Variants in APOBEC2 observed in about 807,000 individuals in gnomAD.
APOBEC2 encodes apolipoprotein B mRNA editing enzyme catalytic subunit 2, also known as C->U-editing enzyme APOBEC-2.
A neutral mutation model predicts 19.4 loss-of-function variants in APOBEC2; 14 were observed. That is an observed-to-expected ratio of 0.72 (90% CI 0.48 to 1.13). The LOEUF is 1.13. Ranked by LOEUF, APOBEC2 falls within the 50% of genes most tolerant of loss-of-function variation. The pLI is 0.00. For missense variants in APOBEC2, 304 were observed against 277.0 expected (o/e 1.10, Z -0.69); for synonymous variants, 127 against 112.1 (o/e 1.13, Z -0.84).
At chr6:41,057,832 G>A (rs1762814086) in intron 1 of APOBEC2, among the ~76,000 whole-genome samples, 1 of 152,130 alleles carries the variant, frequency 6.6e-6, no homozygotes, top group Non-Finnish European at 1.5e-5. Context: ...TGAGAAAAAT[G>A]TATTACATTT....
In APOBEC2 at chr6:41,061,322, C is replaced by A. The variant is rs1380202864; in HGVS notation, c.132-6C>A. On this transcript the variant is annotated splice_region_variant and splice_polypyrimidine_tract_variant and intron_variant, in intron 1 of 2. Coordinates refer to ENST00000244669, the MANE Select transcript of APOBEC2 (RefSeq NM_006789.4). ...TTTCCTGTCCTTTTGTCTCCTTGAC[C>A]TACAGAGAACGGCTGCCTGCCAACT... 5 of 1,521,986 alleles carry A rather than the reference C, an allele frequency of 3.3e-6. No homozygotes were observed. In the Admixed American group the frequency reaches 8.8e-5, roughly 27 times the overall value. 94.3% of individuals were successfully genotyped at this position (1,521,986 alleles called of 1,614,324 possible).
At chr6:41,056,800 T>G (rs925119586) in intron 1 of APOBEC2, among the ~76,000 whole-genome samples, 2 of 152,142 alleles carry the variant, frequency 1.3e-5, no homozygotes, top group Non-Finnish European at 2.9e-5. Context: ...GTTCTTAGGC[T>G]CTCTGTCAGA....
At chr6:41,059,291 A>G (rs1237689715) in intron 1 of APOBEC2, among the ~76,000 whole-genome samples, 1 of 152,174 alleles carries the variant, frequency 6.6e-6, no homozygotes, top group African/African-American at 2.4e-5. Context: ...AATCCATCAT[A>G]TAGGTGGCCC....
chr6:41,059,047 AGAG>A (rs1261132703), intron 1 of APOBEC2, among the ~76,000 whole-genome samples: 4 of 152,110 alleles, frequency 2.6e-5, no homozygotes, highest in Admixed American at 6.5e-5. Flanking sequence ...TGCCTAGGGA[AGAG>A]GAGGAGGGGA....
chr6:41,060,549 C>T (rs963448960), intron 1 of APOBEC2, among the ~76,000 whole-genome samples: 4 of 152,184 alleles, frequency 2.6e-5, no homozygotes, highest in Non-Finnish European at 2.9e-5. Context: ...ATCTGGAGGG[C>T]AGAGACCAAG....
chr6:41,062,983 T>A (rs1762895245), intron 2 of APOBEC2, among the ~76,000 whole-genome samples: 1 of 152,144 alleles, frequency 6.6e-6, no homozygotes. Flanking sequence ...AACTCACATA[T>A]TACTAAAACA....
chr6:41,054,554 G>A (rs901294511), intron 1 of APOBEC2, among the ~76,000 whole-genome samples: 3 of 152,212 alleles, frequency 2.0e-5, no homozygotes, highest in African/African-American at 7.2e-5. Flanking sequence ...ATCTATAGTA[G>A]TAAGGTCCCT....
intron 1 of APOBEC2, among the ~76,000 whole-genome samples, chr6:41,059,072 C>T (rs1762840562): frequency 6.6e-6 from 1 of 152,130 alleles, no homozygotes; most frequent in African/African-American, 2.4e-5. Flanking sequence ...AATGTCAGAG[C>T]TTAAGAAGGG....
At chr6:41,064,069 A>G (rs1191165610) in intron 2 of APOBEC2, 32 bp from the exon 3 acceptor site, 2 of 152,586 alleles carry the variant, frequency 1.3e-5, no homozygotes, top group Admixed American at 1.3e-4. Context: ...CAGAGCTCTC[A>G]GTAACACATT....
chr6:41,054,353 G>A (rs965830176), intron 1 of APOBEC2, among the ~76,000 whole-genome samples: 1 of 152,148 alleles, frequency 6.6e-6, no homozygotes, highest in African/African-American at 2.4e-5. Flanking sequence ...TGAACCAAAC[G>A]TTCCCTTCAT....
intron 1 of APOBEC2, among the ~76,000 whole-genome samples, chr6:41,058,154 CA>C (rs1320069516): frequency 3.4e-4 from 29 of 85,258 alleles, no homozygotes; most frequent in African/African-American, 1.4e-3. Context: ...CCCCACCCCA[CA>C]CACACACACA....
intron 2 of APOBEC2, 113 bp from the exon 3 acceptor site, chr6:41,063,988 T>C (rs1338444521): frequency 6.6e-6 from 1 of 152,198 alleles, no homozygotes; most frequent in East Asian, 1.9e-4. Flanking sequence ...GGAGGAGAAA[T>C]CCAGGGACTT....
Position 41,061,720 on chromosome 6 carries a change from AAC to A in APOBEC2, c.525_526del (p.Lys175AsnfsTer23). On this transcript the variant is annotated frameshift_variant, in exon 2 of 3. Transcript: ENST00000244669. LOFTEE classifies it high-confidence loss of function. ...AAGAAGCTGAAGGAGGCTGGCTGTA[AAC>A]TGCGCATCATGAAGCCCCAGGACTT... 1 of 1,614,194 alleles carries A rather than the reference AAC, an allele frequency of 6.2e-7. No homozygotes were observed. Among genetic ancestry groups the A allele is most frequent in the Non-Finnish European group, 8.5e-7 (1 of 1,180,042 alleles).
Position 41,061,501 on chromosome 6 carries a change from CT to C in APOBEC2, c.308del (p.Phe103SerfsTer64). On this transcript the variant is annotated frameshift_variant, in exon 2 of 3. Coordinates refer to ENST00000244669, the MANE Select transcript of APOBEC2 (RefSeq NM_006789.4). LOFTEE classifies it high-confidence loss of function. ...CATGCGGCTGCCCATGCAGAGGAAG[CT>C]TTCTTCAACACCATCCTGCCAGCCT... ...DEHAAAHAEE[A>X]FFNTILPAFD... 6.2e-7 allele frequency: 1 copy of C among 1,613,976 alleles called. No homozygotes were observed. The highest frequency in any genetic ancestry group is 1.3e-5 in the African/African-American group (1 of 75,064).
rs1434785784 is a variant in APOBEC2 at position 41,053,319 on chromosome 6, C to T, written c.-29C>T. ...AGACCTGCCTGCCTCTCTCCTCTCC[C>T]TCAGTGACTCCTGAGCCACAGCCCC... On this transcript the variant is annotated 5_prime_UTR_variant, in exon 1 of 3. Transcript: ENST00000244669. The T allele has an allele frequency of 8.7e-6, 14 of 1,607,622 alleles. No individual in the cohort carries two copies. The highest frequency in any genetic ancestry group is 1.2e-5 in the Non-Finnish European group (14 of 1,177,900).
chr6:41,054,978 T>A (rs1014737), intron 1 of APOBEC2, among the ~76,000 whole-genome samples: 11,855 of 152,242 alleles, frequency 0.078, 563 homozygotes, highest in Middle Eastern at 0.13. Flanking sequence ...TCCTGAAGGG[T>A]TAAGTCCACT....
At chr6:41,055,247 C>T (rs1762779887) in intron 1 of APOBEC2, among the ~76,000 whole-genome samples, 1 of 152,156 alleles carries the variant, frequency 6.6e-6, no homozygotes, top group African/African-American at 2.4e-5. Flanking sequence ...CAGAGCTCCA[C>T]GTTATCTCTA....
intron 1 of APOBEC2, among the ~76,000 whole-genome samples, chr6:41,056,992 G>A (rs1416910134): frequency 6.6e-6 from 1 of 152,208 alleles, no homozygotes; most frequent in East Asian, 1.9e-4. Context: ...CCAACCCAGT[G>A]AGAAGTGACT....
rs769856886 is a variant in APOBEC2, at chr6:41,061,767, T to C, written c.571T>C (p.Phe191Leu). ...GGACTTCGAATATGTCTGGCAGAAT[T>C]TTGTGGAGCAAGAAGAGGGTGAATC... is the stretch of plus-strand genomic sequence containing the variant. ...PQDFEYVWQNFVEQEEGESKA... is the reference protein window; with the variant it reads ...PQDFEYVWQNLVEQEEGESKA... The change falls in exon 2 of 3, where the codon TTT becomes CTT. Residue 191 changes from phenylalanine to leucine, a missense_variant. By Grantham distance (22) the Phe-to-Leu change is conservative (BLOSUM62 0). Coordinates refer to ENST00000244669, the MANE Select transcript of APOBEC2 (RefSeq NM_006789.4). 3.1e-6 allele frequency: 5 copies of C among 1,614,146 alleles called. No homozygotes were observed. The highest frequency in any genetic ancestry group is 4.2e-6 in the Non-Finnish European group (5 of 1,180,030).
Sources: gnomAD v4.1 joint callset for allele counts (sites outside exome capture counted in the v4.1 genomes callset) on GRCh38, gnomAD v4.1.1 for gene constraint, MANE v1.5 for transcripts, NCBI Gene and HGNC (gene_info 2026-07-23, HGNC 2026-07-21) for gene names.